The following CADPS2 variants were observed in gnomAD, a reference collection of about 807,000 sequenced individuals.
CADPS2 encodes the protein calcium dependent secretion activator 2.
A neutral mutation model predicts 172.5 loss-of-function variants in CADPS2; 93 were observed. That is an observed-to-expected ratio of 0.54 (90% confidence interval 0.46 to 0.64). CADPS2 has a LOEUF of 0.64. Ranked by LOEUF, CADPS2 falls within the 30% of genes least tolerant of loss-of-function variation. The pLI is 0.00. For synonymous variants in CADPS2, 546 were observed against 555.2 expected (o/e 0.98, Z 0.23); for missense variants, 1,420 against 1,565.9 (o/e 0.91, Z 1.57).
intron 8 of CADPS2, among the ~76,000 whole-genome samples, chr7:122,547,191 T>C (rs1235119167): frequency 6.6e-6 from 1 of 152,130 alleles, no homozygotes; most frequent in African/African-American, 2.4e-5. Context: ...CTAAAACTTC[T>C]TCCTACAGTT....
intron 2 of CADPS2, among the ~76,000 whole-genome samples, chr7:122,701,433 C>A (rs2086066064): frequency 6.6e-6 from 1 of 151,940 alleles, no homozygotes; most frequent in Non-Finnish European, 1.5e-5. Flanking sequence ...CACACCGGGG[C>A]CTGTTGTGGG....
intron 11 of CADPS2, among the ~76,000 whole-genome samples, chr7:122,481,424 A>G (rs2057293841): frequency 1.3e-5 from 2 of 152,154 alleles, no homozygotes; most frequent in Admixed American, 1.3e-4. Context: ...ATTGATATCA[A>G]ATAACAGAAA....
chr7:122,677,077 C>A (rs1340269341), intron 2 of CADPS2, among the ~76,000 whole-genome samples: 1 of 152,174 alleles, frequency 6.6e-6, no homozygotes, highest in African/African-American at 2.4e-5. Context: ...TAAATGTTTA[C>A]CAAGACAAAC....
chr7:122,445,197 C>T (rs1375677863), intron 15 of CADPS2, among the ~76,000 whole-genome samples: 1 of 152,076 alleles, frequency 6.6e-6, no homozygotes, highest in African/African-American at 2.4e-5. Context: ...AAATTCTTTG[C>T]ATTTACATGT....
intron 1 of CADPS2, among the ~76,000 whole-genome samples, chr7:122,740,640 TA>T (rs1359990769): frequency 6.6e-6 from 1 of 152,004 alleles, no homozygotes; most frequent in Non-Finnish European, 1.5e-5. Context: ...CATAAAAAAA[TA>T]AACTCTATTA....
At chr7:122,852,209 G>A (rs979642830) in intron 1 of CADPS2, among the ~76,000 whole-genome samples, 3 of 152,094 alleles carry the variant, frequency 2.0e-5, no homozygotes, top group Non-Finnish European at 4.4e-5. Flanking sequence ...AAAGATTAGG[G>A]GAATGAAATC....
At chr7:122,372,240 C>T (rs976255953) in intron 25 of CADPS2, among the ~76,000 whole-genome samples, 1 of 152,170 alleles carries the variant, frequency 6.6e-6, no homozygotes, top group Non-Finnish European at 1.5e-5. Flanking sequence ...TCTGCACTGC[C>T]TTTCACATAC....
chr7:122,609,690 C>T (rs2074051890), intron 6 of CADPS2, among the ~76,000 whole-genome samples: 1 of 152,144 alleles, frequency 6.6e-6, no homozygotes, highest in South Asian at 2.1e-4. Context: ...CTGTTTCCTC[C>T]TAATTGCTGG....
chr7:122,857,578 T>C (rs566452525), intron 1 of CADPS2, among the ~76,000 whole-genome samples: 1 of 152,328 alleles, frequency 6.6e-6, no homozygotes. Flanking sequence ...ACAGCTTATG[T>C]GCATTCAGAA....
At chr7:122,879,547 T>G (rs1019206629) in intron 1 of CADPS2, among the ~76,000 whole-genome samples, 4 of 150,364 alleles carry the variant, frequency 2.7e-5, no homozygotes, top group South Asian at 2.1e-4. Flanking sequence ...AAATAAAAAA[T>G]AAAAATAAAA....
chr7:122,474,618 C>A, intron 12 of CADPS2, 101 bp from the exon 13 acceptor site: 1 of 1,087,638 alleles, frequency 9.2e-7, no homozygotes, highest in Non-Finnish European at 1.3e-6. Flanking sequence ...AAGCAGAAGA[C>A]TACCTTTTAT....
chr7:122,721,545 T>C (rs1562847100), intron 2 of CADPS2, among the ~76,000 whole-genome samples: 1 of 152,040 alleles, frequency 6.6e-6, no homozygotes, highest in Non-Finnish European at 1.5e-5. Context: ...AGGCAATAAT[T>C]AATAGCCTAC....
intron 12 of CADPS2, among the ~76,000 whole-genome samples, chr7:122,477,596 G>T (rs906441882): frequency 2.1e-5 from 3 of 145,208 alleles, no homozygotes; most frequent in Non-Finnish European, 3.0e-5. Flanking sequence ...TGAAATGTAA[G>T]GCAACAATAG....
chr7:122,382,338 A>C (rs1201341234), intron 24 of CADPS2: 1 of 152,184 alleles, frequency 6.6e-6, no homozygotes, highest in Non-Finnish European at 1.5e-5. Flanking sequence ...TTGTGTGTGC[A>C]CGCATTTAAA....
chr7:122,728,693 G>C (rs1410885131), intron 2 of CADPS2, among the ~76,000 whole-genome samples: 2 of 151,698 alleles, frequency 1.3e-5, no homozygotes, highest in Non-Finnish European at 3.0e-5. Flanking sequence ...TGTGCAACTG[G>C]AGGGAGCTTT....
chr7:122,437,519 G>T (rs1243233895), intron 17 of CADPS2, among the ~76,000 whole-genome samples: 2 of 151,854 alleles, frequency 1.3e-5, no homozygotes, highest in Admixed American at 6.6e-5. Context: ...TTTTATAAAG[G>T]ATTATTTACT....
chr7:122,503,990 C>T (rs1165811003), intron 9 of CADPS2, among the ~76,000 whole-genome samples: 2 of 152,080 alleles, frequency 1.3e-5, no homozygotes, highest in African/African-American at 4.8e-5. Flanking sequence ...CTGAAGACAA[C>T]CATATTAAGG....
At chr7:122,850,018 AG>A (rs1813100716) in intron 1 of CADPS2, 1 of 949,692 alleles carries the variant, frequency 1.1e-6, no homozygotes, top group Admixed American at 3.5e-5. Context: ...GGGAAGGAAC[AG>A]AAGGCCCTGC....
At chr7:122,744,513 C>T (rs78798263) in intron 1 of CADPS2, among the ~76,000 whole-genome samples, 3 of 152,224 alleles carry the variant, frequency 2.0e-5, no homozygotes, top group East Asian at 1.9e-4. Context: ...ATATGAAAAA[C>T]TCCTTATCCA....
Sources: allele counts gnomAD v4.1 joint callset (sites outside exome capture counted in the v4.1 genomes callset), GRCh38; gene constraint gnomAD v4.1.1; transcripts MANE v1.5; gene names NCBI Gene and HGNC (gene_info 2026-07-23, HGNC 2026-07-21).